Variants in PRKN observed in about 807,000 individuals in gnomAD.
The protein encoded by PRKN is E3 ubiquitin-protein ligase parkin.
A neutral mutation model predicts 59.5 loss-of-function variants in PRKN; 56 were observed. The observed-to-expected ratio is 0.94, with a 90% confidence interval of 0.76 to 1.18. PRKN has a LOEUF of 1.18. Among genes scored for constraint, PRKN ranks in the 50% most tolerant of loss-of-function variants. PRKN has a pLI of 0.00. For synonymous variants in PRKN, 250 were observed against 222.1 expected, an observed-to-expected ratio of 1.13 and a Z score of -1.12; for missense variants, 657 against 596.4, an observed-to-expected ratio of 1.10 and a Z score of -1.06.
chr6:161,573,795 T>TATAA (rs1562535146), intron 7 of PRKN, among the ~76,000 whole-genome samples: 1 of 98,628 alleles, frequency 1.0e-5, no homozygotes, highest in Admixed American at 1.2e-4. Context: ...TATATATATA[T>TATAA]AAAACTTCAT....
intron 7 of PRKN, among the ~76,000 whole-genome samples, chr6:161,735,213 A>G (rs1183920321): frequency 2.0e-5 from 3 of 151,880 alleles, no homozygotes; most frequent in African/African-American, 4.8e-5. Context: ...TGAGCTGTAC[A>G]CACAAGTCCC....
chr6:162,533,986 A>G (rs1211925625), intron 1 of PRKN, among the ~76,000 whole-genome samples: 1 of 151,738 alleles, frequency 6.6e-6, no homozygotes, highest in Non-Finnish European at 1.5e-5. Context: ...AAAAAAAAAA[A>G]AAGAGATATG....
In PRKN at chr6:161,454,256, G is replaced by A. The variant is rs574133370; in HGVS notation, c.1084-67379C>T. Among the ~76,000 whole-genome samples, 1 of 152,312 alleles carries A rather than the reference G, an allele frequency of 6.6e-6. No homozygotes were observed. The highest frequency in any genetic ancestry group is 2.1e-4 in the South Asian group (1 of 4,824). On this transcript the variant is annotated intron_variant, in intron 9 of 11. Coordinates refer to ENST00000366898, the MANE Select transcript of PRKN (RefSeq NM_004562.3). This position sits in a 1 kb window ranked among gnomAD's most constrained non-coding sequence, Gnocchi z 4.6. ...CATTAGCACTGACGGCACATAGCCT[G>A]TGTCTTTTGAGCTCACTTTCCATGT...
In PRKN at chr6:161,547,267, T is replaced by C. The variant is rs1251283954; in HGVS notation, c.1083+1587A>G. ...AAAGGACAAAGAAACCTTGAGAACA[T>C]AACTATCCTCCTTTAAGTAAAGTTG... On this transcript the variant is annotated intron_variant, in intron 9 of 11. Coordinates refer to ENST00000366898, the MANE Select transcript of PRKN (RefSeq NM_004562.3). This position sits in a 1 kb window ranked among gnomAD's most constrained non-coding sequence, Gnocchi z 4.0. Among the ~76,000 whole-genome samples the C allele has an allele frequency of 6.6e-6, 1 of 152,188 alleles. No homozygotes were observed. Among genetic ancestry groups the C allele is most frequent in the Non-Finnish European group, 1.5e-5 (1 of 68,042 alleles).
intron 7 of PRKN, among the ~76,000 whole-genome samples, chr6:161,748,714 G>T (rs940083925): frequency 6.6e-6 from 1 of 152,150 alleles, no homozygotes; most frequent in Non-Finnish European, 1.5e-5. Flanking sequence ...GTGAGAAGGG[G>T]CACTTGGGAA....
intron 6 of PRKN, among the ~76,000 whole-genome samples, chr6:161,797,051 G>C (rs1316174993): frequency 6.6e-6 from 1 of 152,130 alleles, no homozygotes; most frequent in Non-Finnish European, 1.5e-5. Flanking sequence ...AATGTGCTAA[G>C]AATCAGTCCA....
At chr6:161,783,053 A>G (rs975171980) in intron 7 of PRKN, among the ~76,000 whole-genome samples, 1 of 152,226 alleles carries the variant, frequency 6.6e-6, no homozygotes, top group Non-Finnish European at 1.5e-5. Flanking sequence ...ATTGTTTTCA[A>G]TAATCACACT....
In PRKN at chr6:161,467,206, G is replaced by C. The variant is rs1225339938; in HGVS notation, c.1084-80329C>G. ...ACTGGGAAAGTGGCATTTTGAGAGA[G>C]ACTTCTTCCATCTACACCCTTCTGT... On this transcript the variant is annotated intron_variant, in intron 9 of 11. Transcript: ENST00000366898. The surrounding 1 kb of genome is among the most constrained non-coding windows in gnomAD (Gnocchi z 4.3). Among the ~76,000 whole-genome samples the C allele has an allele frequency of 4.6e-5, 7 of 152,120 alleles. No individual in the cohort carries two copies. Among genetic ancestry groups the C allele is most frequent in the Non-Finnish European group, 8.8e-5 (6 of 68,026 alleles).
intron 2 of PRKN, among the ~76,000 whole-genome samples, chr6:162,435,897 T>C (rs910544848): frequency 9.2e-5 from 14 of 152,158 alleles, no homozygotes; most frequent in African/African-American, 3.4e-4. Flanking sequence ...ACTATATTGG[T>C]CATTTGCAGA....
At chr6:162,351,827 T>G (rs1327162438) in intron 2 of PRKN, among the ~76,000 whole-genome samples, 1 of 152,068 alleles carries the variant, frequency 6.6e-6, no homozygotes, top group Admixed American at 6.6e-5. Flanking sequence ...GGTTTTTGTG[T>G]GTGTTTGTGT....
intron 7 of PRKN, among the ~76,000 whole-genome samples, chr6:161,689,740 T>C (rs531771840): frequency 2.2e-4 from 34 of 152,268 alleles, no homozygotes; most frequent in Admixed American, 3.3e-4. Context: ...ACAAGAGTTT[T>C]GCTGTTTTTG....
At chr6:161,948,613 T>C (rs1265840421) in intron 6 of PRKN, among the ~76,000 whole-genome samples, 2 of 152,112 alleles carry the variant, frequency 1.3e-5, no homozygotes, top group African/African-American at 2.4e-5. Context: ...GAAAATCAGA[T>C]AAACAGAGAC....
At chr6:161,884,187 G>C (rs1342620784) in intron 6 of PRKN, among the ~76,000 whole-genome samples, 2 of 152,102 alleles carry the variant, frequency 1.3e-5, no homozygotes, top group Non-Finnish European at 2.9e-5. Context: ...GTATTTTAGA[G>C]TTTCATGAAA....
rs1275177761 is a variant in PRKN at position 161,401,087 on chromosome 6, A to G, written c.1084-14210T>C. Among the ~76,000 whole-genome samples the G allele has an allele frequency of 1.3e-5, 2 of 152,090 alleles. No individual in the cohort carries two copies. Among genetic ancestry groups the G allele is most frequent in the Non-Finnish European group, 1.5e-5 (1 of 67,974 alleles). The stretch of plus-strand genomic sequence containing the variant: ...ACGAAGTCATAGAAATCCACCATTC[A>G]CGTAAGTTTTGGCCTGGTGTTATTG... On this transcript the variant is annotated intron_variant, in intron 9 of 11. Coordinates refer to ENST00000366898, the MANE Select transcript of PRKN (RefSeq NM_004562.3). This position sits in a 1 kb window ranked among gnomAD's most constrained non-coding sequence, Gnocchi z 4.4.
At chr6:162,650,674 C>CAGATATCCCT (rs1390737048) in intron 1 of PRKN, among the ~76,000 whole-genome samples, 1 of 151,396 alleles carries the variant, frequency 6.6e-6, no homozygotes, top group Non-Finnish European at 1.5e-5. Flanking sequence ...ACAAAGTATA[C>CAGATATCCCT]AGATATCCCT....
At chr6:162,419,724 T>A (rs1788850947) in intron 2 of PRKN, among the ~76,000 whole-genome samples, 1 of 151,928 alleles carries the variant, frequency 6.6e-6, no homozygotes, top group Non-Finnish European at 1.5e-5. Flanking sequence ...TAAACATCCA[T>A]GACCTATAAT....
intron 5 of PRKN, among the ~76,000 whole-genome samples, chr6:162,049,472 T>C (rs1321191651): frequency 6.6e-6 from 1 of 152,302 alleles, no homozygotes; most frequent in East Asian, 1.9e-4. Context: ...TCATGGTTAG[T>C]GCTCAAACCT....
intron 9 of PRKN, among the ~76,000 whole-genome samples, chr6:161,509,200 CTT>C (rs10578350): frequency 0.68 from 102,118 of 149,462 alleles, 34,838 homozygotes; most frequent in Middle Eastern, 0.8. Context: ...AAAGACTTTT[CTT>C]TTTTTTTTTT....
intron 1 of PRKN, among the ~76,000 whole-genome samples, chr6:162,521,204 A>G (rs1778068867): frequency 6.6e-6 from 1 of 152,178 alleles, no homozygotes; most frequent in South Asian, 2.1e-4. Flanking sequence ...ATCTACACTC[A>G]TTTCACAAAT....
Sources: gnomAD v4.1 joint callset for allele counts (sites outside exome capture counted in the v4.1 genomes callset) on GRCh38, gnomAD v4.1.1 for gene constraint, Gnocchi (gnomAD v3.1) non-coding constraint, MANE v1.5 for transcripts, NCBI Gene and HGNC (gene_info 2026-07-23, HGNC 2026-07-21) for gene names.